The following SUN3 variants were observed in gnomAD, a reference collection of about 807,000 sequenced individuals.
SUN3 encodes SUN domain-containing protein 3.
In SUN3, 36 loss-of-function variants were observed where a neutral mutation model predicts 48.2. The ratio of observed to expected loss-of-function variants is 0.75; its 90% CI spans 0.57 to 0.99. SUN3 has a LOEUF of 0.99. SUN3 is among the 50% of genes least tolerant of loss of function. The pLI, the probability that SUN3 is intolerant of heterozygous loss-of-function variation, is 0.00. For synonymous variants in SUN3, 148 were observed against 147.9 expected (o/e 1.00, Z 0.00); for missense variants, 419 against 433.1 (o/e 0.97, Z 0.29).
chr7:48,021,561 G>GAA (rs56960345), intron 2 of SUN3, among the ~76,000 whole-genome samples: 2 of 99,640 alleles, frequency 2.0e-5, no homozygotes, highest in Non-Finnish European at 2.4e-5. Context: ...ACTCTACAGA[G>GAA]AAAAAAAAAA....
intron 6 of SUN3, among the ~76,000 whole-genome samples, chr7:47,998,692 C>T (rs950999208): frequency 6.6e-6 from 1 of 151,834 alleles, no homozygotes; most frequent in African/African-American, 2.4e-5. Flanking sequence ...AAGACTGTGA[C>T]CCATTTGGGG....
chr7:48,009,128 A>G, intron 3 of SUN3, 53 bp from the exon 4 acceptor site: 1 of 1,545,386 alleles, frequency 6.5e-7, no homozygotes. Flanking sequence ...ATTCAAATAG[A>G]GTCTTTTTTT....
intron 2 of SUN3, among the ~76,000 whole-genome samples, chr7:48,023,832 C>T (rs1284060576): frequency 6.6e-6 from 1 of 152,174 alleles, no homozygotes; most frequent in Non-Finnish European, 1.5e-5. Flanking sequence ...AAGCTGTCCA[C>T]AGATTCAAAG....
At chr7:47,989,151 T>C (rs1788982945) in intron 8 of SUN3, among the ~76,000 whole-genome samples, 1 of 152,120 alleles carries the variant, frequency 6.6e-6, no homozygotes, top group Non-Finnish European at 1.5e-5. Context: ...GATCCATAGA[T>C]AGATAGTTAG....
chr7:48,013,291 T>C (rs1291878290), intron 3 of SUN3, among the ~76,000 whole-genome samples: 1 of 152,230 alleles, frequency 6.6e-6, no homozygotes, highest in Non-Finnish European at 1.5e-5. Flanking sequence ...TAAATGGATT[T>C]AGTAATACTC....
At chr7:48,024,195 T>C (rs541752995) in intron 2 of SUN3, among the ~76,000 whole-genome samples, 49 of 152,038 alleles carry the variant, frequency 3.2e-4, no homozygotes, top group Non-Finnish European at 3.2e-4. Flanking sequence ...CCTTCGTGTA[T>C]CAAAGAAAGT....
At chr7:48,002,183 G>A (rs1222386417) in intron 6 of SUN3, among the ~76,000 whole-genome samples, 53 of 94,492 alleles carry the variant, frequency 5.6e-4, no homozygotes, top group Non-Finnish European at 7.1e-4. Context: ...TTTTTGAGAC[G>A]GAGTCTCGCT....
intron 6 of SUN3, among the ~76,000 whole-genome samples, chr7:48,002,531 CTTT>C (rs1789414561): frequency 6.6e-6 from 1 of 152,084 alleles, no homozygotes; most frequent in South Asian, 2.1e-4. Context: ...TGTGGGTCTT[CTTT>C]TTAAGTGTCT....
At chr7:47,991,596 AAAAACAAAAC>A (rs139889751) in intron 8 of SUN3, among the ~76,000 whole-genome samples, 130 of 151,278 alleles carry the variant, frequency 8.6e-4, no homozygotes, top group Admixed American at 2.2e-3. Context: ...AGTAAAACCA[AAAAACAAAAC>A]AAAACAAAAC....
Position 48,007,859 on chromosome 7 carries a change from T to G in SUN3, c.330-532A>C, listed in dbSNP as rs1315189573. Reference sequence around the variant, plus strand: ...TTTTTTTTGAGATGGAGTCTCACTCTGTCCCCCAGGCTGGAGTGCAGTGGC... The same window carrying G: ...TTTTTTTTGAGATGGAGTCTCACTCGGTCCCCCAGGCTGGAGTGCAGTGGC... On this transcript the variant is annotated intron_variant, in intron 4 of 9. Coordinates refer to ENST00000297325, the MANE Select transcript of SUN3 (RefSeq NM_001030019.2). Among the ~76,000 whole-genome samples the G allele has an allele frequency of 4.6e-5, 7 of 151,646 alleles. 1 individual carries two copies. In the South Asian group the frequency reaches 1.5e-3, roughly 32 times the overall value.
At position 48,029,031 on chromosome 7, in the gene SUN3, T is replaced by C; in HGVS notation, c.-93A>G. 7.7e-6 allele frequency: 12 copies of C among 1,552,394 alleles called. No individual in the cohort carries two copies. In the South Asian group the frequency reaches 8.4e-5, roughly 11 times the overall value. Reference sequence around the variant, plus strand: ...GAAAAACATGAAGCTATACATACAGTTTCTAAATTTGTTTTGTATAATGTC... The same window carrying C: ...GAAAAACATGAAGCTATACATACAGCTTCTAAATTTGTTTTGTATAATGTC... On this transcript the variant is annotated 5_prime_UTR_variant, in exon 1 of 10. Coordinates refer to ENST00000297325, the MANE Select transcript of SUN3 (RefSeq NM_001030019.2).
intron 6 of SUN3, 97 bp downstream of exon 6, chr7:48,005,872 A>C: frequency 1.7e-6 from 1 of 576,476 alleles, no homozygotes; most frequent in South Asian, 2.6e-5. Flanking sequence ...GTTACCAGAT[A>C]AATATGTTTT....
At chr7:48,011,568 A>C (rs1459189453) in intron 3 of SUN3, among the ~76,000 whole-genome samples, 4 of 152,234 alleles carry the variant, frequency 2.6e-5, no homozygotes, top group African/African-American at 9.6e-5. Context: ...CTTCCCTGTC[A>C]GTAGGAGCAG....
intron 8 of SUN3, among the ~76,000 whole-genome samples, chr7:47,989,975 G>A (rs202168101): frequency 9.2e-5 from 14 of 152,290 alleles, no homozygotes; most frequent in South Asian, 2.1e-4. Flanking sequence ...GCGGAAGGCC[G>A]CAGGGACCTC....
intron 8 of SUN3, among the ~76,000 whole-genome samples, chr7:47,991,575 T>C (rs559196373): frequency 6.6e-6 from 1 of 150,590 alleles, no homozygotes; most frequent in Non-Finnish European, 1.5e-5. Context: ...AAGGCAAAAG[T>C]GGGAGTAGAC....
chr7:48,019,977 C>CAAAAAAAAA lies in SUN3; in HGVS notation c.185-2621_185-2613dup, dbSNP rs869166401. 8.0e-4 allele frequency among the ~76,000 whole-genome samples: 51 copies of CAAAAAAAAA among 64,126 alleles called. 1 individual carries two copies. Among genetic ancestry groups the CAAAAAAAAA allele is most frequent in the Middle Eastern group, 0.027 (2 of 74 alleles). 42.1% of individuals were successfully genotyped at this position (64,126 alleles called of 152,430 possible). On this transcript the variant is annotated intron_variant, in intron 2 of 9. Transcript: ENST00000297325. ...ATATGAAAACCAGACAAAGACACAT[C>CAAAAAAAAA]AAAAAAAAAAAAAAAAAAAAAAAAG...
chr7:47,994,437 C>G lies in SUN3; in HGVS notation c.739G>C (p.Gly247Arg). Residue 247 changes from glycine (G) to arginine (R), a missense_variant, in exon 8 of 10, where the codon GGT becomes CGT. Physicochemically the swap from Gly to Arg is moderately radical, Grantham distance 125. Transcript: ENST00000297325. ...GKCWAFPGSQ[G>R]HTLIKLATKI... Reference sequence around the variant, plus strand: ...GTAGCAAGCTTGATTAGGGTATGACCCTGGGAACCTGGAAAAGCCCAGCAC... The same window carrying G: ...GTAGCAAGCTTGATTAGGGTATGACGCTGGGAACCTGGAAAAGCCCAGCAC... 1 of 1,610,360 alleles carries G rather than the reference C, an allele frequency of 6.2e-7. No homozygotes were observed. Among genetic ancestry groups the G allele is most frequent in the Non-Finnish European group, 8.5e-7 (1 of 1,178,730 alleles).
At chr7:48,034,572 G>A in the SUN3 span, among the ~76,000 whole-genome samples, 7 of 152,268 alleles carry the variant, frequency 4.6e-5, no homozygotes, top group South Asian at 2.1e-4. Flanking sequence ...GGTTACCACC[G>A]GGTAAGTAGC....
intron 8 of SUN3, among the ~76,000 whole-genome samples, chr7:47,992,621 G>A (rs530719289): frequency 6.6e-6 from 1 of 151,770 alleles, no homozygotes; most frequent in African/African-American, 2.4e-5. Context: ...GAAATCCCAC[G>A]ACAACAGTTG....
Sources: allele counts gnomAD v4.1 joint callset (sites outside exome capture counted in the v4.1 genomes callset), GRCh38; gene constraint gnomAD v4.1.1; transcripts MANE v1.5; gene names NCBI Gene and HGNC (gene_info 2026-07-23, HGNC 2026-07-21).